The following NEGR1 variants were observed in gnomAD, a reference collection of about 807,000 sequenced individuals.
The protein encoded by NEGR1 is IgLON family member 4.
A neutral mutation model predicts 40.9 loss-of-function variants in NEGR1; 10 were observed. The ratio of observed to expected loss-of-function variants is 0.24; its 90% confidence interval spans 0.15 to 0.42. The LOEUF (loss-of-function observed/expected upper bound fraction) is 0.42. Ranked by LOEUF, NEGR1 falls within the 10% of genes least tolerant of loss-of-function variation. NEGR1 has a pLI of 1.00. For missense variants in NEGR1, 352 were observed against 438.9 expected (o/e 0.80, Z 1.77); for synonymous variants, 185 against 166.8 (o/e 1.11, Z -0.84).
chr1:72,036,002 G>C (rs1177207589), intron 1 of NEGR1, among the ~76,000 whole-genome samples: 1 of 152,076 alleles, frequency 6.6e-6, no homozygotes, highest in African/African-American at 2.4e-5. Flanking sequence ...AAATAACTTT[G>C]AACATAAATA....
intron 2 of NEGR1, among the ~76,000 whole-genome samples, chr1:71,792,687 G>A: frequency 6.6e-6 from 1 of 152,210 alleles, no homozygotes. Flanking sequence ...GCTTTTGATA[G>A]GGAGTTGGCA....
intron 6 of NEGR1, among the ~76,000 whole-genome samples, chr1:71,563,524 A>G (rs954949905): frequency 6.6e-5 from 10 of 151,982 alleles, no homozygotes; most frequent in African/African-American, 2.4e-4. Flanking sequence ...ATTATCATCT[A>G]TTATTGACTG....
Position 71,602,975 on chromosome 1 carries a change from T to C in NEGR1, c.788+8051A>G, listed in dbSNP as rs199970511. On this transcript the variant is annotated intron_variant, in intron 5 of 6. Coordinates refer to ENST00000357731, the MANE Select transcript of NEGR1 (RefSeq NM_173808.3). Reference sequence around the variant, plus strand: ...GTCGTCACAAACGTGGTAAGAGTTGTACTGACACCACATTGGTTATTAAAA... The same window carrying C: ...GTCGTCACAAACGTGGTAAGAGTTGCACTGACACCACATTGGTTATTAAAA... Among the ~76,000 whole-genome samples, 3 of 152,344 alleles carry C rather than the reference T, an allele frequency of 2.0e-5. No individual in the cohort carries two copies. In the East Asian group the frequency reaches 5.8e-4, roughly 29 times the overall value.
chr1:71,561,217 A>C (rs1020156462), intron 6 of NEGR1, among the ~76,000 whole-genome samples: 2 of 151,742 alleles, frequency 1.3e-5, no homozygotes, highest in African/African-American at 2.4e-5. Flanking sequence ...CATAAACATG[A>C]TTAAAGCAAG....
At chr1:71,532,951 T>C (rs966328423) in intron 6 of NEGR1, among the ~76,000 whole-genome samples, 1 of 151,582 alleles carries the variant, frequency 6.6e-6, no homozygotes, top group Non-Finnish European at 1.5e-5. Context: ...ATTTTGTGTA[T>C]TAATCATACA....
intron 4 of NEGR1, among the ~76,000 whole-genome samples, chr1:71,657,003 T>A (rs1464904164): frequency 1.3e-5 from 2 of 152,122 alleles, no homozygotes; most frequent in African/African-American, 4.8e-5. Flanking sequence ...GCTTCAAAAA[T>A]AATAGCCAGG....
chr1:72,175,684 T>TA (rs535705252), intron 1 of NEGR1, among the ~76,000 whole-genome samples: 6,231 of 147,964 alleles, frequency 0.042, 174 homozygotes, highest in African/African-American at 0.067. Flanking sequence ...AGGGGTAAAT[T>TA]AAAAAAAAAA....
intron 1 of NEGR1, among the ~76,000 whole-genome samples, chr1:71,962,228 G>A (rs1023681528): frequency 4.6e-5 from 7 of 151,896 alleles, no homozygotes; most frequent in African/African-American, 1.2e-4. Flanking sequence ...CAAAACAATC[G>A]CAGGCATCAT....
At chr1:71,910,034 A>G (rs1243087082) in intron 2 of NEGR1, among the ~76,000 whole-genome samples, 1 of 152,236 alleles carries the variant, frequency 6.6e-6, no homozygotes, top group Non-Finnish European at 1.5e-5. Context: ...AGATGGAGTA[A>G]GACAGTACAT....
intron 6 of NEGR1, among the ~76,000 whole-genome samples, chr1:71,506,302 G>A (rs762919738): frequency 3.1e-4 from 47 of 152,224 alleles, no homozygotes; most frequent in South Asian, 8.3e-4. Flanking sequence ...CCATCTGTTC[G>A]TAACAGTAGA....
At chr1:72,170,365 T>G (rs989798000) in intron 1 of NEGR1, among the ~76,000 whole-genome samples, 1 of 152,178 alleles carries the variant, frequency 6.6e-6, no homozygotes, top group African/African-American at 2.4e-5. Context: ...TTTAACACAC[T>G]GTAAGTTCTT....
At chr1:72,078,123 T>A (rs1389168827) in intron 1 of NEGR1, among the ~76,000 whole-genome samples, 1 of 152,182 alleles carries the variant, frequency 6.6e-6, no homozygotes, top group Non-Finnish European at 1.5e-5. Flanking sequence ...GCCTGGTTTT[T>A]CATCCATAAT....
intron 1 of NEGR1, among the ~76,000 whole-genome samples, chr1:71,965,956 A>C (rs558877718): frequency 5.9e-4 from 90 of 152,312 alleles, no homozygotes; most frequent in African/African-American, 2.1e-3. Context: ...CATGTGATAA[A>C]AGTGGCCTAA....
Position 72,018,017 on chromosome 1 carries a change from G to A in NEGR1, c.177-82706C>T, listed in dbSNP as rs1646726912. Among the ~76,000 whole-genome samples, 3 of 152,010 alleles carry A rather than the reference G, an allele frequency of 2.0e-5. No individual in the cohort carries two copies. The South Asian group carries it at 6.2e-4, about 32-fold the overall frequency. On this transcript the variant is annotated intron_variant, in intron 1 of 6. Coordinates refer to ENST00000357731, the MANE Select transcript of NEGR1 (RefSeq NM_173808.3). ...ATATTTATATATTTATTTCAATCTT[G>A]ATTTCCAAGAGTCTAGGATTTTATC...
intron 6 of NEGR1, among the ~76,000 whole-genome samples, chr1:71,433,562 T>C (rs531607234): frequency 6.6e-6 from 1 of 151,808 alleles, no homozygotes; most frequent in East Asian, 1.9e-4. Context: ...TGGCAGGAGG[T>C]GAAAGGCACT....
intron 2 of NEGR1, among the ~76,000 whole-genome samples, chr1:71,848,769 A>G (rs538394464): frequency 6.6e-6 from 1 of 152,280 alleles, no homozygotes; most frequent in Non-Finnish European, 1.5e-5. Context: ...GTGTAAGTTC[A>G]ACTTTCAAGA....
At chr1:71,760,055 G>A (rs1175762227) in intron 3 of NEGR1, among the ~76,000 whole-genome samples, 1 of 152,166 alleles carries the variant, frequency 6.6e-6, no homozygotes, top group Admixed American at 6.5e-5. Flanking sequence ...ACAGCCTAAT[G>A]TTAAGCATTA....
intron 1 of NEGR1, among the ~76,000 whole-genome samples, chr1:72,048,955 A>G (rs1226358416): frequency 6.6e-6 from 1 of 151,640 alleles, no homozygotes; most frequent in Non-Finnish European, 1.5e-5. Flanking sequence ...GTAATCAGAA[A>G]TATACAAAAA....
At chr1:71,736,325 T>C (rs537969392) in intron 3 of NEGR1, among the ~76,000 whole-genome samples, 181 of 152,298 alleles carry the variant, frequency 1.2e-3, no homozygotes, top group Non-Finnish European at 2.2e-3. Context: ...AGATCTTGTA[T>C]ACTTTCACAA....
Sources: gnomAD v4.1 joint callset for allele counts (sites outside exome capture counted in the v4.1 genomes callset) on GRCh38, gnomAD v4.1.1 for gene constraint, MANE v1.5 for transcripts, NCBI Gene and HGNC (gene_info 2026-07-23, HGNC 2026-07-21) for gene names.